The following EPG5 variants were observed in gnomAD, a reference collection of about 807,000 sequenced individuals.
EPG5 encodes ectopic P granules protein 5 homolog.
A neutral mutation model predicts 302.7 loss-of-function variants in EPG5; 159 were observed. The observed-to-expected ratio is 0.53, with a 90% confidence interval of 0.46 to 0.60. EPG5 has a LOEUF of 0.60. Ranked by LOEUF, EPG5 falls within the 20% of genes least tolerant of loss-of-function variation. EPG5 has a pLI of 0.00. For missense variants in EPG5, 2,896 were observed against 3,092.4 expected (o/e 0.94, Z 1.51); for synonymous variants, 1,158 against 1,136.8 (o/e 1.02, Z -0.37).
intron 9 of EPG5, among the ~76,000 whole-genome samples, chr18:45,942,245 CA>C (rs1159999184): frequency 6.6e-6 from 1 of 151,952 alleles, no homozygotes; most frequent in Non-Finnish European, 1.5e-5. Flanking sequence ...AAGGGACCCC[CA>C]CCCTTTTAGG....
chr18:45,889,972 TC>T (rs966907404), intron 27 of EPG5, 32 bp from the exon 28 acceptor site: 8 of 1,524,978 alleles, frequency 5.2e-6, no homozygotes, highest in African/African-American at 2.8e-5. Context: ...AAAAGACATT[TC>T]CCCCCATGTG....
intron 25 of EPG5, 112 bp from the exon 26 acceptor site, chr18:45,901,279 C>T (rs576837785): frequency 1.2e-5 from 11 of 881,082 alleles, no homozygotes; most frequent in Non-Finnish European, 1.5e-5. Context: ...TATAGTCTTA[C>T]GATAGTTGAA....
In EPG5 at chr18:45,899,410, C is replaced by T. The variant is rs758455820; in HGVS notation, c.4803G>A (p.Thr1601=). Residue 1601 remains threonine, a synonymous_variant, in exon 27 of 44, where the codon ACG becomes ACA. Coordinates refer to ENST00000282041, the MANE Select transcript of EPG5 (RefSeq NM_020964.3). ...GKKCQGAAVV[T]VQFEGMHKNE... Reference sequence around the variant, plus strand: ...AAGAAATTTAAACACTTACCTGAACCGTGACAACTGCGGCTCCTTGGCATT... The same window carrying T: ...AAGAAATTTAAACACTTACCTGAACTGTGACAACTGCGGCTCCTTGGCATT... 22 of 1,613,958 alleles carry T rather than the reference C, an allele frequency of 1.4e-5. No homozygotes were observed. Among genetic ancestry groups the T allele is most frequent in the African/African-American group, 2.7e-5 (2 of 74,904 alleles).
chr18:45,816,876 T>C, the EPG5 span, among the ~76,000 whole-genome samples: 1 of 152,144 alleles, frequency 6.6e-6, no homozygotes, highest in East Asian at 1.9e-4. Flanking sequence ...CAAATGCCCA[T>C]CAATCAATGA....
the EPG5 span, among the ~76,000 whole-genome samples, chr18:45,801,945 CT>C: frequency 6.6e-6 from 1 of 152,250 alleles, no homozygotes. Flanking sequence ...ATCACACTCT[CT>C]GAGGGCTCTC....
intron 24 of EPG5, among the ~76,000 whole-genome samples, chr18:45,904,681 T>A (rs894332355): frequency 2.6e-5 from 4 of 152,028 alleles, no homozygotes; most frequent in Non-Finnish European, 5.9e-5. Flanking sequence ...AACAGACTTA[T>A]AAGACATATC....
At chr18:45,878,887 G>T in intron 33 of EPG5, 126 bp downstream of exon 33, 1 of 720,446 alleles carries the variant, frequency 1.4e-6, no homozygotes. Context: ...ATGGGCTCAT[G>T]CCTGTTCTAT....
In EPG5 at chr18:45,966,395, C is replaced by T. The variant is rs1301180408; in HGVS notation, c.63+782G>A. 2.8e-5 allele frequency among the ~76,000 whole-genome samples: 4 copies of T among 142,888 alleles called. No individual in the cohort carries two copies. The South Asian group carries it at 8.5e-4, about 30-fold the overall frequency. The allele number at this position is 142,888 out of a possible 152,430, so 93.7% of individuals were successfully genotyped here. Reference sequence around the variant, plus strand: ...TGTCTCAAAAAAAAAAAAAAAAATACATATACATATATATACACACACACA... The same window carrying T: ...TGTCTCAAAAAAAAAAAAAAAAATATATATACATATATATACACACACACA... On this transcript the variant is annotated intron_variant, in intron 1 of 43. Transcript: ENST00000282041.
the EPG5 span, among the ~76,000 whole-genome samples, chr18:45,828,277 A>G: frequency 4.6e-5 from 7 of 152,330 alleles, no homozygotes; most frequent in African/African-American, 1.7e-4. Flanking sequence ...CATTTGTCCC[A>G]GAAAGGCCCC....
chr18:45,963,891 T>G (rs1446017245), intron 1 of EPG5, among the ~76,000 whole-genome samples: 3 of 152,142 alleles, frequency 2.0e-5, no homozygotes, highest in Non-Finnish European at 1.5e-5. Context: ...AAATCCTCCT[T>G]GGAGGAGGGT....
rs1225940289 is a variant in EPG5, at chr18:45,882,343, G to T, written c.5449C>A (p.His1817Asn). The T allele has an allele frequency of 6.2e-7, 1 of 1,614,070 alleles. No individual in the cohort carries two copies. Among genetic ancestry groups the T allele is most frequent in the African/African-American group, 1.3e-5 (1 of 74,936 alleles). ...TGGTAGAGAAGAAGATAAGTCCAGT[G>T]CTTACAGAAAAGATTAAATGGCATC... ...ILMPFNLFCK[H>N]WTYLLLYQFP... Residue 1817 changes from histidine to asparagine, a missense_variant, in exon 31 of 44, where the codon CAC becomes AAC. By Grantham distance (68) the His-to-Asn change is moderately conservative. Transcript: ENST00000282041.
chr18:45,913,876 C>T (rs556210019), intron 20 of EPG5, 48 bp from the exon 21 acceptor site: 184 of 1,599,832 alleles, frequency 1.2e-4, no homozygotes, highest in Non-Finnish European at 1.5e-4. Flanking sequence ...GCTCGCCCCA[C>T]TGACGAAATA....
At chr18:45,877,835 C>T (rs2049006281) in intron 34 of EPG5, among the ~76,000 whole-genome samples, 4 of 152,074 alleles carry the variant, frequency 2.6e-5, no homozygotes, top group Admixed American at 2.6e-4. Context: ...TTTATAAAAC[C>T]CTGACAAGTT....
rs1338471024 is a variant in EPG5 at position 45,922,226 on chromosome 18, C to A, written c.3098+115G>T. 7 of 1,304,296 alleles carry A rather than the reference C, an allele frequency of 5.4e-6. No individual in the cohort carries two copies. In the Admixed American group the frequency reaches 1.7e-4, roughly 32 times the overall value. The allele number at this position is 1,304,296 out of a possible 1,614,324, so 80.8% of individuals were successfully genotyped here. A position where few individuals can be genotyped will look rare whatever the true frequency, so the allele number is the denominator to read the frequency against. ...CTGTTAATCAAGGATTATTATTTGG[C>A]CCAATTGCTCCGCAATAGGTTTGAC... On this transcript the variant is annotated intron_variant, in intron 16 of 43. Coordinates refer to ENST00000282041, the MANE Select transcript of EPG5 (RefSeq NM_020964.3).
chr18:45,841,433 T>C, the EPG5 span, among the ~76,000 whole-genome samples: 2 of 152,078 alleles, frequency 1.3e-5, no homozygotes, highest in Non-Finnish European at 2.9e-5. Flanking sequence ...GTGGGGGTTA[T>C]TGTGGGTGCA....
At chr18:45,919,226 A>T (rs1042099324) in intron 16 of EPG5, among the ~76,000 whole-genome samples, 7 of 152,200 alleles carry the variant, frequency 4.6e-5, no homozygotes, top group African/African-American at 1.4e-4. Context: ...GTTTTAAGTT[A>T]CTTCTATATT....
intron 20 of EPG5, among the ~76,000 whole-genome samples, chr18:45,914,657 C>G (rs1340400955): frequency 1.3e-5 from 2 of 152,196 alleles, no homozygotes; most frequent in South Asian, 2.1e-4. Context: ...GCAAGCTGCC[C>G]AAGGCACAGA....
intron 30 of EPG5, among the ~76,000 whole-genome samples, chr18:45,883,797 T>C (rs143526363): frequency 1.4e-4 from 21 of 151,112 alleles, no homozygotes; most frequent in African/African-American, 4.6e-4. Context: ...GTAACAGAAA[T>C]ACAAGTGAAG....
At chr18:45,927,496 T>C (rs947250558) in intron 13 of EPG5, among the ~76,000 whole-genome samples, 5 of 151,796 alleles carry the variant, frequency 3.3e-5, no homozygotes, top group African/African-American at 9.7e-5. Flanking sequence ...AAAGAGATAT[T>C]GGTACATCCG....
Sources: gnomAD v4.1 joint callset for allele counts (sites outside exome capture counted in the v4.1 genomes callset) on GRCh38, gnomAD v4.1.1 for gene constraint, MANE v1.5 for transcripts, NCBI Gene and HGNC (gene_info 2026-07-23, HGNC 2026-07-21) for gene names.